Variants in FAF1 observed in about 807,000 individuals in gnomAD.
FAF1 encodes FAS-associated factor 1.
Under a neutral mutation model 92.5 loss-of-function variants are expected in FAF1, and 25 were observed. That is an observed-to-expected ratio of 0.27 (90% CI 0.20 to 0.38). FAF1 has a LOEUF of 0.38. FAF1 is among the 10% of genes least tolerant of loss of function. The pLI, the probability that FAF1 is intolerant of heterozygous loss-of-function variation, is 1.00. For synonymous variants in FAF1, 234 were observed against 273.2 expected (o/e 0.86, Z 1.42); for missense variants, 636 against 793.3 (o/e 0.80, Z 2.38).
At chr1:50,572,805 T>C (rs1016193130) in intron 12 of FAF1, among the ~76,000 whole-genome samples, 2 of 152,186 alleles carry the variant, frequency 1.3e-5, no homozygotes, top group Non-Finnish European at 2.9e-5. Context: ...ATAGAGGAAG[T>C]CCTGGGTTCT....
At chr1:50,645,251 A>C (rs1248044902) in intron 8 of FAF1, among the ~76,000 whole-genome samples, 1 of 152,238 alleles carries the variant, frequency 6.6e-6, no homozygotes, top group African/African-American at 2.4e-5. Flanking sequence ...GGACAGGCTA[A>C]CAAAGTAATT....
At chr1:50,711,535 T>A (rs1053565839) in intron 6 of FAF1, among the ~76,000 whole-genome samples, 5 of 148,440 alleles carry the variant, frequency 3.4e-5, no homozygotes, top group African/African-American at 1.3e-4. Context: ...AATGGCATGA[T>A]CTTGGCTCAC....
intron 15 of FAF1, among the ~76,000 whole-genome samples, chr1:50,495,057 A>G (rs2149011721): frequency 6.6e-6 from 1 of 152,244 alleles, no homozygotes; most frequent in Non-Finnish European, 1.5e-5. Flanking sequence ...AATGGGTATT[A>G]ATTACTTCAT....
At chr1:50,948,642 C>T (rs190789511) in intron 1 of FAF1, among the ~76,000 whole-genome samples, 12 of 151,490 alleles carry the variant, frequency 7.9e-5, no homozygotes, top group Admixed American at 2.0e-4. Context: ...AAGCGATTCT[C>T]ACGCCTCAGC....
intron 18 of FAF1, among the ~76,000 whole-genome samples, chr1:50,464,576 T>C (rs939236935): frequency 6.6e-6 from 1 of 152,228 alleles, no homozygotes; most frequent in African/African-American, 2.4e-5. Flanking sequence ...GTCACTGTCA[T>C]ATTAAGAATG....
intron 8 of FAF1, among the ~76,000 whole-genome samples, chr1:50,644,209 T>G (rs1472909145): frequency 2.0e-5 from 3 of 152,202 alleles, no homozygotes; most frequent in East Asian, 3.9e-4. Context: ...TAAAAAGTCC[T>G]GGAGTAGCCT....
chr1:50,684,870 T>C (rs1029057753), intron 7 of FAF1, among the ~76,000 whole-genome samples: 7 of 152,196 alleles, frequency 4.6e-5, no homozygotes, highest in Admixed American at 2.6e-4. Flanking sequence ...ATAGAGAATA[T>C]AAACATCAGT....
rs767641721 is a variant in FAF1, at chr1:50,584,742, C to G, written c.910G>C (p.Val304Leu). The G allele has an allele frequency of 2.2e-5, 35 of 1,613,514 alleles. No homozygotes were observed. The highest frequency in any genetic ancestry group is 2.9e-5 in the Non-Finnish European group (34 of 1,179,656). ...ATGCCAAATACTTCTCCATCATCCA[C>G]CCCAAATTCTGTAGCATCTTCAAAG... The part of the protein sequence containing the change: ...DDFEDATEFG[V>L]DDGEVFGMAS... The change falls in exon 10 of 19, where the codon GTG becomes CTG. Residue 304 changes from valine (V) to leucine (L), a missense_variant. Val to Leu is a conservative substitution (Grantham distance 32, BLOSUM62 1). Coordinates refer to ENST00000396153, the MANE Select transcript of FAF1 (RefSeq NM_007051.3).
chr1:50,584,878 TA>T, intron 9 of FAF1, 67 bp from the exon 10 acceptor site: 1 of 1,412,470 alleles, frequency 7.1e-7, no homozygotes, highest in Admixed American at 1.8e-5. Context: ...GAATAAGTTA[TA>T]ATAATAACAA....
intron 15 of FAF1, among the ~76,000 whole-genome samples, chr1:50,501,389 G>C (rs1297082777): frequency 6.6e-6 from 1 of 152,178 alleles, no homozygotes; most frequent in African/African-American, 2.4e-5. Flanking sequence ...ACCAGGCCAG[G>C]CGCAGTGGCT....
chr1:50,841,139 A>G lies in FAF1; in HGVS notation c.114+16790T>C, dbSNP rs1644252393. On this transcript the variant is annotated intron_variant, in intron 2 of 18. Coordinates refer to ENST00000396153, the MANE Select transcript of FAF1 (RefSeq NM_007051.3). ...TGTGGCGCAGCAATGGCTCCACTAC[A>G]GCAGTAAGAAAAAGATTTAAAAGAA... is the stretch of plus-strand genomic sequence containing the variant. Among the ~76,000 whole-genome samples the G allele has an allele frequency of 2.6e-5, 4 of 152,100 alleles. 1 individual carries two copies. The South Asian group carries it at 8.3e-4, about 31-fold the overall frequency.
At chr1:50,764,138 AAG>A (rs983197340) in intron 4 of FAF1, among the ~76,000 whole-genome samples, 159 of 152,282 alleles carry the variant, frequency 1.0e-3, no homozygotes, top group African/African-American at 3.6e-3. Context: ...ATTTTTCATT[AAG>A]AGTCTTATTT....
intron 15 of FAF1, among the ~76,000 whole-genome samples, chr1:50,503,803 T>C (rs1165305315): frequency 6.6e-6 from 1 of 152,210 alleles, no homozygotes. Flanking sequence ...ACCATATGGT[T>C]TAATTTTTAA....
chr1:50,870,642 G>A (rs1041932784), intron 1 of FAF1, among the ~76,000 whole-genome samples: 1 of 152,086 alleles, frequency 6.6e-6, no homozygotes, highest in South Asian at 2.1e-4. Flanking sequence ...GATCTTTGAT[G>A]TTACTATTGT....
chr1:50,833,357 T>C (rs1644172168), intron 2 of FAF1, among the ~76,000 whole-genome samples: 1 of 151,236 alleles, frequency 6.6e-6, no homozygotes, highest in Non-Finnish European at 1.5e-5. Context: ...AAAAAAGAAC[T>C]CAGGAACAGC....
chr1:50,555,246 GACACAC>G (rs149689584), intron 13 of FAF1, among the ~76,000 whole-genome samples: 2 of 143,222 alleles, frequency 1.4e-5, no homozygotes, highest in African/African-American at 5.2e-5. Flanking sequence ...CCAGGACCCT[GACACAC>G]ACACACACAC....
chr1:50,795,138 A>T (rs906049455), intron 3 of FAF1, among the ~76,000 whole-genome samples: 5 of 152,174 alleles, frequency 3.3e-5, no homozygotes, highest in African/African-American at 1.2e-4. Flanking sequence ...ACTGCCCCTC[A>T]CCAAGGCTGC....
chr1:50,729,054 A>ATTTTTTTTT (rs1364447973), intron 6 of FAF1, among the ~76,000 whole-genome samples: 3 of 97,828 alleles, frequency 3.1e-5, no homozygotes, highest in African/African-American at 1.3e-4. Flanking sequence ...ATATATATAT[A>ATTTTTTTTT]TATATTTTTT....
intron 6 of FAF1, among the ~76,000 whole-genome samples, chr1:50,728,262 T>C (rs1038681969): frequency 2.6e-5 from 4 of 152,054 alleles, no homozygotes; most frequent in Non-Finnish European, 5.9e-5. Context: ...AGTGAAGAAA[T>C]GAGCCAAGTT....
Sources: gnomAD v4.1 joint callset for allele counts (sites outside exome capture counted in the v4.1 genomes callset) on GRCh38, gnomAD v4.1.1 for gene constraint, MANE v1.5 for transcripts, NCBI Gene and HGNC (gene_info 2026-07-23, HGNC 2026-07-21) for gene names.